Variants in TSHZ3 observed in about 807,000 individuals in gnomAD.
TSHZ3 encodes teashirt homolog 3.
TSHZ3 carries 10 observed loss-of-function variants against 64.5 expected under a neutral mutation model. That is an observed-to-expected ratio of 0.16 (90% CI 0.10 to 0.26). The LOEUF (loss-of-function observed/expected upper bound fraction) is 0.26. Ranked by LOEUF, TSHZ3 falls within the 10% of genes least tolerant of loss-of-function variation. The pLI, the probability that TSHZ3 is intolerant of heterozygous loss-of-function variation, is 1.00. For synonymous variants in TSHZ3, 608 were observed against 593.1 expected, an observed-to-expected ratio of 1.03 and a Z score of -0.36; for missense variants, 1,242 against 1,421.7, an observed-to-expected ratio of 0.87 and a Z score of 2.03.
At chr19:31,213,491 C>A (rs992226963) in intron 4 of TSHZ3, among the ~76,000 whole-genome samples, 2 of 149,380 alleles carry the variant, frequency 1.3e-5, no homozygotes, top group African/African-American at 4.9e-5. Flanking sequence ...ATGGTGGATC[C>A]ATGTCTTTGT....
intron 5 of TSHZ3, among the ~76,000 whole-genome samples, chr19:31,201,096 T>C (rs1372794995): frequency 1.3e-5 from 2 of 152,180 alleles, no homozygotes; most frequent in Non-Finnish European, 1.5e-5. Context: ...CTATTGAATA[T>C]TTATGTAATA....
intron 3 of TSHZ3, among the ~76,000 whole-genome samples, chr19:31,230,582 G>C (rs2145175364): frequency 6.6e-6 from 1 of 152,104 alleles, no homozygotes; most frequent in South Asian, 2.1e-4. Flanking sequence ...GGAATTGCTG[G>C]GGAAAGTGGT....
chr19:31,203,102 A>G (rs1236027181), intron 5 of TSHZ3, among the ~76,000 whole-genome samples: 1 of 151,868 alleles, frequency 6.6e-6, no homozygotes, highest in South Asian at 2.1e-4. Flanking sequence ...TGTTTGGAGG[A>G]GGGTGCCATA....
chr19:31,221,441 C>T (rs1382497147), intron 4 of TSHZ3, among the ~76,000 whole-genome samples: 1 of 152,192 alleles, frequency 6.6e-6, no homozygotes, highest in Non-Finnish European at 1.5e-5. Flanking sequence ...GTGCAGTTCT[C>T]CTTATGTCAA....
At chr19:31,324,011 C>T (rs941242009) in intron 1 of TSHZ3, among the ~76,000 whole-genome samples, 6 of 151,966 alleles carry the variant, frequency 3.9e-5, no homozygotes, top group African/African-American at 9.7e-5. Context: ...TCAGAAGCCA[C>T]GAGGGGCATC....
chr19:31,343,224 A>C (rs1284485012), intron 1 of TSHZ3, among the ~76,000 whole-genome samples: 4 of 152,222 alleles, frequency 2.6e-5, no homozygotes, highest in Non-Finnish European at 2.9e-5. Context: ...TGACAGTATG[A>C]ATTAATAATT....
chr19:31,221,739 A>T (rs1407298785), intron 4 of TSHZ3, among the ~76,000 whole-genome samples: 1 of 152,214 alleles, frequency 6.6e-6, no homozygotes, highest in Non-Finnish European at 1.5e-5. Context: ...TGAGTTTATT[A>T]TCTTAGCATT....
chr19:31,168,807 C>T (rs1399410108), intron 5 of TSHZ3, among the ~76,000 whole-genome samples: 2 of 152,102 alleles, frequency 1.3e-5, no homozygotes, highest in Non-Finnish European at 2.9e-5. Context: ...GCCAGCTGGT[C>T]TTGAGCCCCG....
At chr19:31,198,436 AT>A (rs1305170629) in intron 5 of TSHZ3, among the ~76,000 whole-genome samples, 2 of 152,064 alleles carry the variant, frequency 1.3e-5, no homozygotes, top group African/African-American at 4.8e-5. Flanking sequence ...GTCCTACCTG[AT>A]GCAATAAGAC....
At chr19:31,332,914 T>G (rs995065653) in intron 1 of TSHZ3, among the ~76,000 whole-genome samples, 2 of 151,766 alleles carry the variant, frequency 1.3e-5, no homozygotes, top group Non-Finnish European at 2.9e-5. Flanking sequence ...GAGACCAGCC[T>G]AGGCAACATG....
chr19:31,317,947 T>G (rs1916652017), intron 1 of TSHZ3, among the ~76,000 whole-genome samples: 1 of 152,242 alleles, frequency 6.6e-6, no homozygotes. Context: ...GCTGCAGGAC[T>G]GTAAAAGCTC....
intron 5 of TSHZ3, among the ~76,000 whole-genome samples, chr19:31,182,224 G>C (rs1214606863): frequency 1.3e-5 from 2 of 152,156 alleles, no homozygotes; most frequent in Admixed American, 6.5e-5. Flanking sequence ...GGTTCAAGCT[G>C]GGGAAACATC....
At chr19:31,217,496 A>G (rs998634359) in intron 4 of TSHZ3, among the ~76,000 whole-genome samples, 1 of 152,156 alleles carries the variant, frequency 6.6e-6, no homozygotes, top group Non-Finnish European at 1.5e-5. Context: ...ACTAGACTTT[A>G]TTTTAGAGCA....
chr19:31,288,121 GT>G (rs1976497189), intron 1 of TSHZ3, among the ~76,000 whole-genome samples: 1 of 151,964 alleles, frequency 6.6e-6, no homozygotes, highest in South Asian at 2.1e-4. Context: ...ATTGTTTTTT[GT>G]TTGTTAATCC....
intron 1 of TSHZ3, among the ~76,000 whole-genome samples, chr19:31,280,774 C>T (rs1013373905): frequency 2.2e-4 from 34 of 152,198 alleles, no homozygotes; most frequent in African/African-American, 6.8e-4. Flanking sequence ...GGGCAGGCCA[C>T]GCGCCTGCAG....
intron 5 of TSHZ3, among the ~76,000 whole-genome samples, chr19:31,200,738 G>A (rs966691708): frequency 1.3e-5 from 2 of 152,106 alleles, no homozygotes; most frequent in Non-Finnish European, 2.9e-5. Flanking sequence ...GGGTGGTGAC[G>A]ATGTGTTAAT....
rs768824625 is a variant in TSHZ3, at chr19:31,241,855, G to A, written n.550+414C>T. On this transcript the variant is annotated intron_variant and non_coding_transcript_variant, in intron 3 of 6. Coordinates refer to the TSHZ3 transcript ENST00000651361. Reference sequence around the variant, plus strand: ...TATTGCCCCAAATCAGTTGTCATACGTTGTGTCTAGTTTTATAGTTCTTTA... The same window carrying A: ...TATTGCCCCAAATCAGTTGTCATACATTGTGTCTAGTTTTATAGTTCTTTA... 7.9e-5 allele frequency among the ~76,000 whole-genome samples: 12 copies of A among 152,280 alleles called. 1 individual carries two copies. Among genetic ancestry groups the A allele is most frequent in the Admixed American group, 1.3e-4 (2 of 15,294 alleles).
At chr19:31,263,603 A>G (rs1976012165) in intron 1 of TSHZ3, among the ~76,000 whole-genome samples, 1 of 152,136 alleles carries the variant, frequency 6.6e-6, no homozygotes, top group Non-Finnish European at 1.5e-5. Context: ...CACTTCCTGC[A>G]TGATGTCATT....
intron 1 of TSHZ3, among the ~76,000 whole-genome samples, chr19:31,289,473 T>C (rs36027134): frequency 0.49 from 74,035 of 152,132 alleles, 20,799 homozygotes; most frequent in African/African-American, 0.77. Flanking sequence ...AAGGAAGAGA[T>C]GATGTCAGAA....
Sources: gnomAD v4.1 joint callset for allele counts (sites outside exome capture counted in the v4.1 genomes callset) on GRCh38, gnomAD v4.1.1 for gene constraint, MANE v1.5 for transcripts, NCBI Gene and HGNC (gene_info 2026-07-23, HGNC 2026-07-21) for gene names.